FAT2: variants seen among roughly 807,000 people sequenced by gnomAD.
FAT2 encodes the protein protocadherin Fat 2.
FAT2 carries 150 observed loss-of-function variants against 295.3 expected under a neutral mutation model. That is an observed-to-expected ratio of 0.51 (90% CI 0.44 to 0.58). The LOEUF is 0.58. Ranked by LOEUF, FAT2 falls within the 20% of genes least tolerant of loss-of-function variation. The pLI, the probability that FAT2 is intolerant of heterozygous loss-of-function variation, is 0.00. For synonymous variants in FAT2, 2,026 were observed against 2,150.3 expected, an observed-to-expected ratio of 0.94 and a Z score of 1.60; for missense variants, 4,868 against 5,442.7, an observed-to-expected ratio of 0.89 and a Z score of 3.32.
At chr5:151,556,626 T>C (rs1336371236) in intron 3 of FAT2, among the ~76,000 whole-genome samples, 2 of 152,228 alleles carry the variant, frequency 1.3e-5, no homozygotes. Context: ...CAAGTACCCA[T>C]ACATTCTGTT....
chr5:151,508,526 A>G (rs550286618), intron 22 of FAT2, among the ~76,000 whole-genome samples: 2 of 152,278 alleles, frequency 1.3e-5, no homozygotes, highest in East Asian at 1.9e-4. Context: ...ACTGGCCAGT[A>G]TGGTGAAACC....
chr5:151,544,476 G>T lies in FAT2; in HGVS notation c.6651C>A (p.Thr2217=). ...TTAGGACACCAGTCTTGAAGTCAGT[G>T]GTGAACAGCATCAAGGGTTCTTCCT... is the stretch of plus-strand genomic sequence containing the variant. The part of the protein sequence containing the change: ...IVEEEPLMLF[T]TDFKTGVLTV... The change falls in exon 10 of 24, where the codon ACC becomes ACA. Residue 2217 remains threonine (T), a synonymous_variant. Coordinates refer to ENST00000261800, the MANE Select transcript of FAT2 (RefSeq NM_001447.3). The T allele has an allele frequency of 1.2e-6, 2 of 1,614,156 alleles. No individual in the cohort carries two copies. Among genetic ancestry groups the T allele is most frequent in the African/African-American group, 2.7e-5 (2 of 75,026 alleles).
chr5:151,550,947 G>C, intron 7 of FAT2, 76 bp from the exon 8 acceptor site: 2 of 1,374,848 alleles, frequency 1.5e-6, no homozygotes, highest in Non-Finnish European at 2.0e-6. Context: ...GGACCTCCCT[G>C]TATCACCCAG....
At chr5:151,527,442 T>C (rs1356175856) in intron 16 of FAT2, 65 bp from the exon 17 acceptor site, 1 of 1,440,576 alleles carries the variant, frequency 6.9e-7, no homozygotes, top group African/African-American at 1.4e-5. Flanking sequence ...GCCCCCTGAG[T>C]CATCACTAAT....
chr5:151,553,226 C>A lies in FAT2; in HGVS notation c.4107G>T (p.Gly1369=). The A allele has an allele frequency of 1.2e-5, 20 of 1,614,260 alleles. No individual in the cohort carries two copies. Among genetic ancestry groups the A allele is most frequent in the Non-Finnish European group, 1.7e-5 (20 of 1,180,054 alleles). The change falls in exon 6 of 24, where the codon GGG becomes GGT. Residue 1369 remains glycine (G), a synonymous_variant. Transcript: ENST00000261800. ...METDPVNHMV[G]VISVEGRPGL... Reference sequence around the variant, plus strand: ...CGGGTCTGCCCTCTACGCTGATGACCCCCACCATGTGGTTCACAGGGTCCG... The same window carrying A: ...CGGGTCTGCCCTCTACGCTGATGACACCCACCATGTGGTTCACAGGGTCCG...
intron 8 of FAT2, among the ~76,000 whole-genome samples, 153 bp downstream of exon 8, chr5:151,550,437 G>A (rs1024330029): frequency 6.6e-6 from 1 of 152,174 alleles, no homozygotes; most frequent in Non-Finnish European, 1.5e-5. Context: ...ATCCCTTATG[G>A]AAGGTGCCCT....
Position 151,551,498 on chromosome 5 carries a change from A to G in FAT2, c.4265T>C (p.Val1422Ala). 2.5e-6 allele frequency: 4 copies of G among 1,614,156 alleles called. No individual in the cohort carries two copies. Among genetic ancestry groups the G allele is most frequent in the Non-Finnish European group, 3.4e-6 (4 of 1,180,022 alleles). The change falls in exon 7 of 24, where the codon GTG becomes GCG. Residue 1422 changes from valine (V) to alanine (A), a missense_variant. Transcript: ENST00000261800. The stretch of plus-strand genomic sequence containing the variant: ...GGCAATGGTGCGGGACCCATCTGTC[A>G]CCTCAACAGTCAAGTTATAGTTCGA... ...RRSNYNLTVE[V>A]TDGSRTIATQ...
chr5:151,573,695 G>A (rs778195487), intron 1 of FAT2, among the ~76,000 whole-genome samples: 2 of 152,040 alleles, frequency 1.3e-5, no homozygotes, highest in Non-Finnish European at 2.9e-5. Flanking sequence ...AAATTATTCC[G>A]TCATCCCTGA....
rs1054814328 is a variant in FAT2 at position 151,512,714 on chromosome 5, G to T, written c.11464-108C>A. 1 of 1,055,682 alleles carries T rather than the reference G, an allele frequency of 9.5e-7. No individual in the cohort carries two copies. Among genetic ancestry groups the T allele is most frequent in the East Asian group, 2.6e-5 (1 of 38,430 alleles). 65.4% of individuals were successfully genotyped at this position (1,055,682 alleles called of 1,614,324 possible). Reference sequence around the variant, plus strand: ...TGTTTGTATTTTTATGGGTAGGAGGGGGGTGTTTGGCTGTTTTAGACATGG... The same window carrying T: ...TGTTTGTATTTTTATGGGTAGGAGGTGGGTGTTTGGCTGTTTTAGACATGG... On this transcript the variant is annotated intron_variant, in intron 20 of 23. Transcript: ENST00000261800. The surrounding 1 kb of genome is among the most constrained non-coding windows in gnomAD (Gnocchi z 4.1).
Position 151,566,775 on chromosome 5 carries a change from G to A in FAT2, c.2157C>T (p.Pro719=), listed in dbSNP as rs771028797. The A allele has an allele frequency of 6.2e-7, 1 of 1,614,192 alleles. No individual in the cohort carries two copies. Among genetic ancestry groups the A allele is most frequent in the Non-Finnish European group, 8.5e-7 (1 of 1,180,036 alleles). The change falls in exon 2 of 24, where the codon CCC becomes CCT. Residue 719 remains proline, a synonymous_variant. Transcript: ENST00000261800. ...HYTPQFEDHF[P]QSIDVLESVP... is the part of the protein sequence containing the mutation. The stretch of plus-strand genomic sequence containing the variant: ...CACTCTCAAGGACATCAATGGATTG[G>A]GGGAAGTGGTCCTCAAACTGTGGGG...
chr5:151,514,636 C>T (rs752225995), intron 20 of FAT2, among the ~76,000 whole-genome samples: 13 of 152,230 alleles, frequency 8.5e-5, no homozygotes, highest in South Asian at 2.1e-4. Context: ...TGAGTCCATC[C>T]GTTCTTCCAG....
upstream of FAT2, among the ~76,000 whole-genome samples, chr5:151,591,865 G>C (rs1759424697): frequency 6.6e-6 from 1 of 152,158 alleles, no homozygotes; most frequent in Non-Finnish European, 1.5e-5. Context: ...AATTAAATGA[G>C]ATAAAGGTTG....
rs1758229331 is a variant in FAT2, at chr5:151,565,803, C to T, written c.3129G>A (p.Glu1043=). 1.2e-6 allele frequency: 2 copies of T among 1,614,060 alleles called. No individual in the cohort carries two copies. The highest frequency in any genetic ancestry group is 1.3e-5 in the African/African-American group (1 of 74,924). ...ASFVHQGQVQ[E]NSPSGTQVIV... ...TCACCTGAGTTCCCGAGGGGCTGTT[C>T]TCCTGCACCTGGCCCTGGTGCACGA... Residue 1043 remains glutamate, a synonymous_variant, in exon 2 of 24, where the codon GAG becomes GAA. Coordinates refer to ENST00000261800, the MANE Select transcript of FAT2 (RefSeq NM_001447.3).
intron 1 of FAT2, among the ~76,000 whole-genome samples, chr5:151,574,485 G>C (rs1387797631): frequency 6.6e-6 from 1 of 152,184 alleles, no homozygotes. Flanking sequence ...AATAAAAATT[G>C]TAAATGAAAG....
At chr5:151,514,492 C>T (rs73272051) in intron 20 of FAT2, among the ~76,000 whole-genome samples, 1 of 152,352 alleles carries the variant, frequency 6.6e-6, no homozygotes, top group African/African-American at 2.4e-5. Context: ...TAACTCTCCA[C>T]CTGCTCTATA....
chr5:151,534,682 A>AAATATTACC lies in FAT2; in HGVS notation c.9194-49_9194-41dup. The AAATATTACC allele has an allele frequency of 5.1e-6, 8 of 1,557,728 alleles. 1 individual carries two copies. Among genetic ancestry groups the AAATATTACC allele is most frequent in the Non-Finnish European group, 7.1e-6 (8 of 1,131,526 alleles). ...GACAAAAGTTGAGCTTTCTCTGGGGAAATATTACCCAAGCATGTGCCCTCT... is the reference window on the plus strand; with the variant it reads ...GACAAAAGTTGAGCTTTCTCTGGGGAAATATTACCAATATTACCCAAGCATGTGCCCTCT... On this transcript the variant is annotated intron_variant, in intron 12 of 23. Transcript: ENST00000261800.
intron 10 of FAT2, among the ~76,000 whole-genome samples, 168 bp downstream of exon 10, chr5:151,542,117 C>G (rs891768895): frequency 1.3e-5 from 2 of 152,214 alleles, no homozygotes; most frequent in African/African-American, 4.8e-5. Flanking sequence ...TGAGAACATG[C>G]ATGCCAAGTC....
In FAT2 at chr5:151,585,621, A is replaced by AAT. The variant is rs767979679; in HGVS notation, c.-21+5542_-21+5543dup. Among the ~76,000 whole-genome samples, 70 of 152,188 alleles carry AAT rather than the reference A, an allele frequency of 4.6e-4. 1 individual carries two copies. The East Asian group carries it at 0.013, about 28-fold the overall frequency. ...AGCAAGATTCTGTCTCAAGGAAAAA[A>AAT]ATATATATATATCAGCTGTAACTTA... On this transcript the variant is annotated intron_variant, in intron 1 of 23. Coordinates refer to ENST00000261800, the MANE Select transcript of FAT2 (RefSeq NM_001447.3).
chr5:151,558,609 TAA>T (rs58125941), intron 3 of FAT2, among the ~76,000 whole-genome samples: 1 of 144,210 alleles, frequency 6.9e-6, no homozygotes. Context: ...GAGACTCCTT[TAA>T]AAAAAAAAAA....
Sources: gnomAD v4.1 joint callset for allele counts (sites outside exome capture counted in the v4.1 genomes callset) on GRCh38, gnomAD v4.1.1 for gene constraint, Gnocchi (gnomAD v3.1) non-coding constraint, MANE v1.5 for transcripts, NCBI Gene and HGNC (gene_info 2026-07-23, HGNC 2026-07-21) for gene names.